The following DYM variants were observed in gnomAD, a reference collection of about 807,000 sequenced individuals.
DYM encodes the protein dyggve-Melchior-Clausen syndrome protein.
DYM carries 78 observed loss-of-function variants against 93.1 expected under a neutral mutation model. That is an observed-to-expected ratio of 0.84 (90% CI 0.70 to 1.01). The LOEUF is 1.01. Ranked by LOEUF, DYM falls within the 50% of genes least tolerant of loss-of-function variation. DYM has a pLI of 0.00. For missense variants in DYM, 789 were observed against 845.0 expected, an observed-to-expected ratio of 0.93 and a Z score of 0.82; for synonymous variants, 321 against 319.7, an observed-to-expected ratio of 1.00 and a Z score of -0.04.
intron 13 of DYM, among the ~76,000 whole-genome samples, chr18:49,239,010 G>A (rs2093953870): frequency 6.6e-6 from 1 of 152,256 alleles, no homozygotes; most frequent in Non-Finnish European, 1.5e-5. Context: ...AGATAACACA[G>A]CCCTACATTT....
intron 6 of DYM, among the ~76,000 whole-genome samples, chr18:49,349,170 T>C (rs905074694): frequency 2.6e-5 from 4 of 152,186 alleles, no homozygotes; most frequent in African/African-American, 9.7e-5. Context: ...ATCGTGCCAG[T>C]GCACTCCCGC....
chr18:49,089,905 G>T lies in DYM; in HGVS notation c.2025+7497C>A, dbSNP rs539160339. ...TTGTCCTGCAAAATGACTCTGGAGG[G>T]ATTCAACTGAGGGACTGGCCTTGGC... On this transcript the variant is annotated intron_variant, in intron 17 of 17. Coordinates refer to ENST00000675505, the MANE Select transcript of DYM (RefSeq NM_001353214.3). Among the ~76,000 whole-genome samples the T allele has an allele frequency of 1.6e-4, 24 of 152,278 alleles. 1 individual carries two copies. In the East Asian group the frequency reaches 4.6e-3, roughly 29 times the overall value.
At chr18:49,237,209 C>T (rs9635951) in intron 13 of DYM, among the ~76,000 whole-genome samples, 11,708 of 152,134 alleles carry the variant, frequency 0.077, 732 homozygotes, top group East Asian at 0.31. Context: ...CCAGTGTTCA[C>T]ACTGTCATAC....
intron 13 of DYM, among the ~76,000 whole-genome samples, chr18:49,255,539 G>A (rs9945928): frequency 0.026 from 3,883 of 151,810 alleles, 159 homozygotes; most frequent in African/African-American, 0.088. Flanking sequence ...CAGGCGTGGT[G>A]GCGTGTGCCT....
chr18:49,398,764 A>G (rs2070429535), intron 2 of DYM, among the ~76,000 whole-genome samples: 2 of 152,190 alleles, frequency 1.3e-5, no homozygotes, highest in Admixed American at 1.3e-4. Context: ...TGACAACCAG[A>G]AGACTTCTAA....
At chr18:49,294,559 C>T (rs1462786616) in intron 8 of DYM, among the ~76,000 whole-genome samples, 2 of 151,726 alleles carry the variant, frequency 1.3e-5, no homozygotes, top group Non-Finnish European at 2.9e-5. Context: ...CCTTAACATT[C>T]AAAATGTGAA....
At chr18:49,205,937 T>C (rs771158567) in intron 14 of DYM, 12 of 168,458 alleles carry the variant, frequency 7.1e-5, no homozygotes, top group Non-Finnish European at 1.3e-4. Flanking sequence ...GGAAGAAGTT[T>C]GCAGTGGAGT....
intron 14 of DYM, among the ~76,000 whole-genome samples, chr18:49,200,527 TATA>T (rs2091903722): frequency 6.6e-6 from 1 of 151,944 alleles, no homozygotes; most frequent in Non-Finnish European, 1.5e-5. Flanking sequence ...TATTTTTCTT[TATA>T]ATATTTTAAT....
At chr18:49,378,059 G>C (rs77378074) in intron 5 of DYM, among the ~76,000 whole-genome samples, 1,735 of 152,308 alleles carry the variant, frequency 0.011, 32 homozygotes, top group African/African-American at 0.039. Context: ...AAAAAGATGA[G>C]ACACTTTGGC....
intron 13 of DYM, among the ~76,000 whole-genome samples, chr18:49,228,793 TGGGA>T (rs1025326141): frequency 6.6e-6 from 1 of 152,042 alleles, no homozygotes; most frequent in Non-Finnish European, 1.5e-5. Context: ...TGATGGGGGT[TGGGA>T]GGAAGTTTAC....
chr18:49,443,568 C>T (rs774076290), intron 1 of DYM, among the ~76,000 whole-genome samples: 6 of 152,138 alleles, frequency 3.9e-5, no homozygotes, highest in African/African-American at 9.7e-5. Context: ...AAAAGCATCA[C>T]GAAGCTGTGC....
At chr18:49,117,200 A>G (rs2081989961) in intron 16 of DYM, among the ~76,000 whole-genome samples, 1 of 152,270 alleles carries the variant, frequency 6.6e-6, no homozygotes, top group Non-Finnish European at 1.5e-5. Context: ...ATATAAGTTT[A>G]GGAAAGTGAC....
At chr18:49,233,768 A>G (rs976640721) in intron 13 of DYM, among the ~76,000 whole-genome samples, 23 of 152,160 alleles carry the variant, frequency 1.5e-4, no homozygotes, top group Non-Finnish European at 1.2e-4. Flanking sequence ...GTTAAGTATG[A>G]TCCCATGGTG....
chr18:49,429,901 CTG>C (rs997788553), intron 2 of DYM, among the ~76,000 whole-genome samples: 3 of 152,118 alleles, frequency 2.0e-5, no homozygotes, highest in African/African-American at 7.2e-5. Flanking sequence ...TTTTACTTAA[CTG>C]TGGAAAAAAA....
intron 16 of DYM, among the ~76,000 whole-genome samples, chr18:49,114,768 C>T (rs2081775201): frequency 6.6e-6 from 1 of 151,890 alleles, no homozygotes; most frequent in South Asian, 2.1e-4. Context: ...TAACAGTGTA[C>T]CACCACGCCT....
intron 1 of DYM, among the ~76,000 whole-genome samples, chr18:49,433,851 G>T (rs932174520): frequency 1.3e-5 from 2 of 152,056 alleles, no homozygotes; most frequent in Admixed American, 6.5e-5. Flanking sequence ...CTGGGCGACA[G>T]AGTGAAACTC....
At chr18:49,422,972 A>G (rs2073886979) in intron 2 of DYM, among the ~76,000 whole-genome samples, 1 of 152,196 alleles carries the variant, frequency 6.6e-6, no homozygotes, top group African/African-American at 2.4e-5. Flanking sequence ...CCCACTGTCA[A>G]CATTAGACAG....
intron 14 of DYM, among the ~76,000 whole-genome samples, chr18:49,207,738 C>T (rs2092589583): frequency 6.6e-6 from 1 of 152,146 alleles, no homozygotes; most frequent in Non-Finnish European, 1.5e-5. Flanking sequence ...CCTGAATTTC[C>T]AGGCTGCCAA....
At chr18:49,272,373 AC>A in intron 10 of DYM, 70 bp from the exon 11 acceptor site, 1 of 1,088,714 alleles carries the variant, frequency 9.2e-7, no homozygotes, top group South Asian at 1.4e-5. Context: ...AAATCTTTAC[AC>A]TTTCATTTTG....
Sources: allele counts gnomAD v4.1 joint callset (sites outside exome capture counted in the v4.1 genomes callset), GRCh38; gene constraint gnomAD v4.1.1; transcripts MANE v1.5; gene names NCBI Gene and HGNC (gene_info 2026-07-23, HGNC 2026-07-21).